The following KIRREL3 variants were observed in gnomAD, a reference collection of about 807,000 sequenced individuals.
KIRREL3 encodes kin of IRRE-like protein 3.
In KIRREL3, 36 loss-of-function variants were observed where a neutral mutation model predicts 89.7. The observed-to-expected ratio is 0.40, with a 90% CI of 0.31 to 0.53. The LOEUF is 0.53. KIRREL3 is among the 20% of genes least tolerant of loss of function. The probability of loss-of-function intolerance (pLI) is 0.49; values close to 1 mark genes in which losing one functional copy is unlikely to be tolerated. For missense variants in KIRREL3, 864 were observed against 1,056.6 expected (o/e 0.82, Z 2.53); for synonymous variants, 445 against 441.4 (o/e 1.01, Z -0.10).
chr11:126,875,283 C>G (rs992399844), intron 1 of KIRREL3, among the ~76,000 whole-genome samples: 1 of 152,070 alleles, frequency 6.6e-6, no homozygotes. Context: ...CTGAAGAGAC[C>G]CCCCAGAAAC....
rs75963637 is a variant in KIRREL3 at position 126,571,839 on chromosome 11, A to G, written c.56-8927T>C. On this transcript the variant is annotated intron_variant, in intron 1 of 16. Coordinates refer to ENST00000525144, the MANE Select transcript of KIRREL3 (RefSeq NM_032531.4). This position sits in a 1 kb window ranked among gnomAD's most constrained non-coding sequence, Gnocchi z 7.7. ...TTTATCCCATGTGCAAGGATGCCTC[A>G]GCCCGTCTCTGATTTAACGTATCTA... is the stretch of plus-strand genomic sequence containing the variant. Among the ~76,000 whole-genome samples the G allele has an allele frequency of 0.017, 2,650 of 152,336 alleles. 77 individuals are homozygous for G. The highest frequency in any genetic ancestry group is 0.06 in the African/African-American group (2,475 of 41,560).
rs1239505167 is a variant in KIRREL3, at chr11:126,544,437, C to T, written c.134-17750G>A. Among the ~76,000 whole-genome samples, 1 of 152,174 alleles carries T rather than the reference C, an allele frequency of 6.6e-6. No individual in the cohort carries two copies. Among genetic ancestry groups the T allele is most frequent in the Non-Finnish European group, 1.5e-5 (1 of 68,042 alleles). The stretch of plus-strand genomic sequence containing the variant: ...TGGCAGGGAGGCAGCTGCTTGCAGC[C>T]AGTTCTCTTCTCTTTGTTTTGCAGA... On this transcript the variant is annotated intron_variant, in intron 2 of 16. Coordinates refer to ENST00000525144, the MANE Select transcript of KIRREL3 (RefSeq NM_032531.4). This position sits in a 1 kb window ranked among gnomAD's most constrained non-coding sequence, Gnocchi z 5.6.
At chr11:126,774,280 A>C (rs910387385) in intron 1 of KIRREL3, among the ~76,000 whole-genome samples, 1 of 151,872 alleles carries the variant, frequency 6.6e-6, no homozygotes, top group Non-Finnish European at 1.5e-5. Context: ...CCTAGGAAGA[A>C]ACCCCTCATT....
In KIRREL3 at chr11:126,808,410, T is replaced by C. The variant is rs1951272431; in HGVS notation, c.55+192045A>G. Among the ~76,000 whole-genome samples, 1 of 152,078 alleles carries C rather than the reference T, an allele frequency of 6.6e-6. No homozygotes were observed. Among genetic ancestry groups the C allele is most frequent in the African/African-American group, 2.4e-5 (1 of 41,416 alleles). ...ACTCCCCCTCCCCTGCCCAATGTGG[T>C]GGGAGGGCTCTGCTAAGATGTAGAG... On this transcript the variant is annotated intron_variant, in intron 1 of 16. Transcript: ENST00000525144. The surrounding 1 kb of genome is among the most constrained non-coding windows in gnomAD (Gnocchi z 4.1).
rs962063166 is a variant in KIRREL3, at chr11:126,484,203, C to T, written c.434-10737G>A. Among the ~76,000 whole-genome samples the T allele has an allele frequency of 6.6e-6, 1 of 152,214 alleles. No individual in the cohort carries two copies. The highest frequency in any genetic ancestry group is 1.5e-5 in the Non-Finnish European group (1 of 68,042). On this transcript the variant is annotated intron_variant, in intron 4 of 16. Coordinates refer to ENST00000525144, the MANE Select transcript of KIRREL3 (RefSeq NM_032531.4). The surrounding 1 kb of genome is among the most constrained non-coding windows in gnomAD (Gnocchi z 5.2). ...CCTGAGCACCTCTTACACTGGTCCT[C>T]ACCACATCTCTATTGCATTGACTTG...
chr11:126,444,621 C>T (rs1221968619), intron 10 of KIRREL3, among the ~76,000 whole-genome samples: 3 of 152,196 alleles, frequency 2.0e-5, no homozygotes, highest in African/African-American at 7.2e-5. Context: ...AAAAAATTCT[C>T]ACGGGCCAAG....
At chr11:126,821,999 A>G (rs1943242674) in intron 1 of KIRREL3, among the ~76,000 whole-genome samples, 1 of 152,212 alleles carries the variant, frequency 6.6e-6, no homozygotes, top group Non-Finnish European at 1.5e-5. Flanking sequence ...AAGATAGTTA[A>G]TTAGTGTTGT....
At chr11:126,433,772 T>C (rs1260024763) in intron 13 of KIRREL3, among the ~76,000 whole-genome samples, 1 of 152,170 alleles carries the variant, frequency 6.6e-6, no homozygotes, top group Admixed American at 6.5e-5. Flanking sequence ...TTTGGGTTGG[T>C]TTCTCCTCAG....
intron 1 of KIRREL3, among the ~76,000 whole-genome samples, chr11:126,672,876 G>C (rs1435051753): frequency 6.6e-6 from 1 of 152,158 alleles, no homozygotes; most frequent in East Asian, 1.9e-4. Flanking sequence ...ACTCGTATTT[G>C]CATTAGTGTT....
intron 1 of KIRREL3, among the ~76,000 whole-genome samples, chr11:126,567,095 A>G (rs1940574374): frequency 6.6e-6 from 1 of 152,232 alleles, no homozygotes; most frequent in African/African-American, 2.4e-5. Context: ...ACAGTGCTAT[A>G]GGTCGAATTC....
Position 126,475,230 on chromosome 11 carries a change from C to T in KIRREL3, c.434-1764G>A, listed in dbSNP as rs1447262261. Among the ~76,000 whole-genome samples, 1 of 152,174 alleles carries T rather than the reference C, an allele frequency of 6.6e-6. No individual in the cohort carries two copies. Among genetic ancestry groups the T allele is most frequent in the African/African-American group, 2.4e-5 (1 of 41,450 alleles). On this transcript the variant is annotated intron_variant, in intron 4 of 16. Coordinates refer to ENST00000525144, the MANE Select transcript of KIRREL3 (RefSeq NM_032531.4). This position sits in a 1 kb window ranked among gnomAD's most constrained non-coding sequence, Gnocchi z 7.5. ...TGGGCTGGAGAAGTTCAGAGCTGAA[C>T]AGTCACAGCTCCGGGCCCGTCCTGA...
chr11:126,925,343 A>T (rs1188936902), intron 1 of KIRREL3, among the ~76,000 whole-genome samples: 1 of 152,180 alleles, frequency 6.6e-6, no homozygotes, highest in Non-Finnish European at 1.5e-5. Context: ...CTTTTCCAGG[A>T]TGCCTGTGGT....
chr11:126,812,107 T>G lies in KIRREL3; in HGVS notation c.55+188348A>C, dbSNP rs1951410177. ...AGAACAATTTATCCTGATGACCAGATATAATAGATTCTGTTCATTAAGGAA... is the reference window on the plus strand; with the variant it reads ...AGAACAATTTATCCTGATGACCAGAGATAATAGATTCTGTTCATTAAGGAA... On this transcript the variant is annotated intron_variant, in intron 1 of 16. Coordinates refer to ENST00000525144, the MANE Select transcript of KIRREL3 (RefSeq NM_032531.4). The surrounding 1 kb of genome is among the most constrained non-coding windows in gnomAD (Gnocchi z 5.2). Among the ~76,000 whole-genome samples, 1 of 152,178 alleles carries G rather than the reference T, an allele frequency of 6.6e-6. No homozygotes were observed. The highest frequency in any genetic ancestry group is 1.5e-5 in the Non-Finnish European group (1 of 68,026).
rs1948884481 is a variant in KIRREL3, at chr11:126,955,098, G to A, written c.55+45357C>T. 6.6e-6 allele frequency among the ~76,000 whole-genome samples: 1 copy of A among 152,196 alleles called. No individual in the cohort carries two copies. Among genetic ancestry groups the A allele is most frequent in the African/African-American group, 2.4e-5 (1 of 41,440 alleles). The stretch of plus-strand genomic sequence containing the variant: ...TGTGCCCTGAAGGCCACATCTGCCT[G>A]AGGGGGTACTGCTGCAGGCGTGTGG... On this transcript the variant is annotated intron_variant, in intron 1 of 16. Transcript: ENST00000525144. The surrounding 1 kb of genome is among the most constrained non-coding windows in gnomAD (Gnocchi z 4.6).
In KIRREL3 at chr11:126,747,235, A is replaced by G. The variant is rs1324464366; in HGVS notation, c.56-184323T>C. On this transcript the variant is annotated intron_variant, in intron 1 of 16. Coordinates refer to ENST00000525144, the MANE Select transcript of KIRREL3 (RefSeq NM_032531.4). The surrounding 1 kb of genome is among the most constrained non-coding windows in gnomAD (Gnocchi z 4.7). ...GGCCTCATACCTCTACTCTGCCCTGACAAGTTGTAACCCTCAGTAAATAAC... is the reference window on the plus strand; with the variant it reads ...GGCCTCATACCTCTACTCTGCCCTGGCAAGTTGTAACCCTCAGTAAATAAC... Among the ~76,000 whole-genome samples, 2 of 152,222 alleles carry G rather than the reference A, an allele frequency of 1.3e-5. No individual in the cohort carries two copies. The highest frequency in any genetic ancestry group is 2.9e-5 in the Non-Finnish European group (2 of 68,038).
chr11:126,923,206 T>TCTTCTA (rs1947485066), intron 1 of KIRREL3, among the ~76,000 whole-genome samples: 2 of 9,330 alleles, frequency 2.1e-4, no homozygotes, highest in Non-Finnish European at 3.7e-4. Context: ...TTCTTCTTCT[T>TCTTCTA]CTTCTTCTTC....
intron 7 of KIRREL3, among the ~76,000 whole-genome samples, chr11:126,451,609 C>G (rs186333380): frequency 7.1e-6 from 1 of 140,172 alleles, no homozygotes; most frequent in East Asian, 2.2e-4. Context: ...TGAGCATGTG[C>G]ATGTGTGCAT....
Position 126,623,791 on chromosome 11 carries a change from A to C in KIRREL3, c.56-60879T>G, listed in dbSNP as rs1943668745. On this transcript the variant is annotated intron_variant, in intron 1 of 16. Coordinates refer to ENST00000525144, the MANE Select transcript of KIRREL3 (RefSeq NM_032531.4). This position sits in a 1 kb window ranked among gnomAD's most constrained non-coding sequence, Gnocchi z 4.1. ...ATAGAAATTCTAGGTTCTCAAGAAA[A>C]TAAACAAACCAACTTACAGAAAACC... Among the ~76,000 whole-genome samples, 1 of 152,188 alleles carries C rather than the reference A, an allele frequency of 6.6e-6. No individual in the cohort carries two copies. The highest frequency in any genetic ancestry group is 2.1e-4 in the South Asian group (1 of 4,822).
chr11:126,549,743 G>C (rs1939107776), intron 2 of KIRREL3: 1 of 152,200 alleles, frequency 6.6e-6, no homozygotes, highest in South Asian at 2.1e-4. Flanking sequence ...GCCAGTGGCT[G>C]CTGTCCAAGT....
Sources: allele counts gnomAD v4.1 joint callset (sites outside exome capture counted in the v4.1 genomes callset), GRCh38; gene constraint gnomAD v4.1.1; non-coding constraint Gnocchi (gnomAD v3.1); transcripts MANE v1.5; gene names NCBI Gene and HGNC (gene_info 2026-07-23, HGNC 2026-07-21).